CAV3: variants seen among roughly 807,000 people sequenced by gnomAD.
CAV3 encodes the protein caveolin-3.
CAV3 carries 10 observed loss-of-function variants against 13.4 expected under a neutral mutation model. That is an observed-to-expected ratio of 0.75 (90% CI 0.46 to 1.27). The LOEUF is 1.27. Ranked by LOEUF, CAV3 falls within the 50% of genes most tolerant of loss-of-function variation. The pLI, the probability that CAV3 is intolerant of heterozygous loss-of-function variation, is 0.00. For missense variants in CAV3, 162 were observed against 194.0 expected, an observed-to-expected ratio of 0.83 and a Z score of 0.98; for synonymous variants, 90 against 79.0, an observed-to-expected ratio of 1.14 and a Z score of -0.74.
chr3:8,739,341 G>A (rs577615248), intron 1 of CAV3, among the ~76,000 whole-genome samples: 14 of 152,134 alleles, frequency 9.2e-5, no homozygotes, highest in Non-Finnish European at 1.3e-4. Context: ...GGCCAGGCAC[G>A]GTGGCTCACA....
chr3:8,734,428 C>T (rs973255352), intron 1 of CAV3, among the ~76,000 whole-genome samples: 2 of 152,160 alleles, frequency 1.3e-5, no homozygotes, highest in South Asian at 4.1e-4. Context: ...CCAGCAGGGC[C>T]GGCAGCCCCT....
In CAV3 at chr3:8,745,228, C is replaced by G. The variant is rs1444704418; in HGVS notation, c.115-298C>G. 6.6e-6 allele frequency among the ~76,000 whole-genome samples: 1 copy of G among 152,122 alleles called. No individual in the cohort carries two copies. Among genetic ancestry groups the G allele is most frequent in the Admixed American group, 6.5e-5 (1 of 15,288 alleles). The stretch of plus-strand genomic sequence containing the variant: ...TCTCACCAGGGGAGACGCCTGCTCT[C>G]CCTTCTCTAGCCATGGTTGAAAGCT... On this transcript the variant is annotated intron_variant, in intron 1 of 1. Coordinates refer to ENST00000343849, the MANE Select transcript of CAV3 (RefSeq NM_033337.3). The surrounding 1 kb of genome is among the most constrained non-coding windows in gnomAD (Gnocchi z 4.8).
chr3:8,738,938 C>T (rs1004846905), intron 1 of CAV3, among the ~76,000 whole-genome samples: 15 of 152,220 alleles, frequency 9.9e-5, no homozygotes, highest in South Asian at 8.3e-4. Flanking sequence ...AATGAACTAT[C>T]GAAGAGGATT....
intron 1 of CAV3, among the ~76,000 whole-genome samples, chr3:8,744,620 A>G (rs1708089387): frequency 6.6e-6 from 1 of 152,062 alleles, no homozygotes; most frequent in Admixed American, 6.5e-5. Context: ...GACATCACCC[A>G]TGTGTAGGCA....
At chr3:8,744,157 C>T (rs540701709) in intron 1 of CAV3, among the ~76,000 whole-genome samples, 7 of 152,270 alleles carry the variant, frequency 4.6e-5, no homozygotes, top group African/African-American at 1.4e-4. Context: ...AGAACAGTTT[C>T]AGGCATTAGC....
chr3:8,734,070 G>T, intron 1 of CAV3, 80 bp downstream of exon 1: 1 of 781,432 alleles, frequency 1.3e-6, no homozygotes, highest in Non-Finnish European at 2.3e-6. Context: ...GAGGGTATCT[G>T]CTGCAGACAC....
intron 1 of CAV3, among the ~76,000 whole-genome samples, chr3:8,739,783 T>C (rs755441832): frequency 6.6e-6 from 1 of 152,198 alleles, no homozygotes; most frequent in Non-Finnish European, 1.5e-5. Context: ...ATTCCAAAAC[T>C]TAATGGCTTA....
chr3:8,737,489 C>T (rs1350349989), intron 1 of CAV3, among the ~76,000 whole-genome samples: 1 of 152,088 alleles, frequency 6.6e-6, no homozygotes, highest in Non-Finnish European at 1.5e-5. Context: ...TTTGGCCCTG[C>T]CTTTAAACCC....
chr3:8,735,960 T>C (rs1707737511), intron 1 of CAV3, among the ~76,000 whole-genome samples: 1 of 152,248 alleles, frequency 6.6e-6, no homozygotes, highest in African/African-American at 2.4e-5. Flanking sequence ...TACTGGATAT[T>C]ATATTTCTAT....
intron 1 of CAV3, chr3:8,742,740 A>G (rs1361961497): frequency 1.8e-5 from 5 of 280,016 alleles, no homozygotes; most frequent in South Asian, 3.1e-5. Flanking sequence ...GGGTGGGTGG[A>G]TGGATGGATG....
chr3:8,745,777 ACT>A lies in CAV3; in HGVS notation c.369_370del (p.Cys124HisfsTer75). On this transcript the variant is annotated frameshift_variant, in exon 2 of 2. Transcript: ENST00000343849. LOFTEE classifies it high-confidence loss of function. The surrounding 1 kb of genome is among the most constrained non-coding windows in gnomAD (Gnocchi z 4.8). ...EIQCISHIYS[L>X]CIRTFCNPLF... ...TCCAGTGCATCAGCCACATCTACTCACTCTGCATCCGCACCTTCTGCAACCCA... is the reference window on the plus strand; with the variant it reads ...TCCAGTGCATCAGCCACATCTACTCACTGCATCCGCACCTTCTGCAACCCA... 1 of 1,613,608 alleles carries A rather than the reference ACT, an allele frequency of 6.2e-7. No individual in the cohort carries two copies. The highest frequency in any genetic ancestry group is 8.5e-7 in the Non-Finnish European group (1 of 1,179,922).
chr3:8,745,842 A>G lies in CAV3; in HGVS notation c.431A>G (p.Lys144Arg), dbSNP rs1060502316. Residue 144 changes from lysine (K) to arginine (R), a missense_variant, in exon 2 of 2, where the codon AAG becomes AGG. Lys to Arg is a conservative substitution (Grantham distance 26). Transcript: ENST00000343849. This position sits in a 1 kb window ranked among gnomAD's most constrained non-coding sequence, Gnocchi z 4.8. ...AALGQVCSSI[K>R]VVLRKEV ...CTGGGCCAGGTCTGCAGCAGCATCA[A>G]GGTGGTGCTGCGGAAGGAGGTCTAA... The G allele has an allele frequency of 1.2e-6, 2 of 1,612,920 alleles. No individual in the cohort carries two copies. The highest frequency in any genetic ancestry group is 1.7e-5 in the Admixed American group (1 of 60,004).
chr3:8,741,071 T>A (rs1707941853), intron 1 of CAV3, among the ~76,000 whole-genome samples: 1 of 152,262 alleles, frequency 6.6e-6, no homozygotes, highest in Non-Finnish European at 1.5e-5. Flanking sequence ...CTACCTTTTA[T>A]AACAAAAGAT....
At position 8,733,848 on chromosome 3, in the gene CAV3, C is replaced by T. The variant is rs1203043550; in HGVS notation, c.-29C>T. 1 of 1,405,148 alleles carries T rather than the reference C, an allele frequency of 7.1e-7. No individual in the cohort carries two copies. The allele number at this position is 1,405,148 out of a possible 1,614,324, so 87.0% of individuals were successfully genotyped here. Reference sequence around the variant, plus strand: ...CCCCAGCCGGCCACACAGCTCGGATCTCCTCCTGTGGATCCCCCCAGCTCT... The same window carrying T: ...CCCCAGCCGGCCACACAGCTCGGATTTCCTCCTGTGGATCCCCCCAGCTCT... On this transcript the variant is annotated 5_prime_UTR_variant, in exon 1 of 2. Transcript: ENST00000343849.
At chr3:8,742,463 G>A (rs1032633310) in intron 1 of CAV3, 23 of 456,342 alleles carry the variant, frequency 5.0e-5, no homozygotes, top group African/African-American at 4.6e-4. Context: ...ACTTACTACT[G>A]TAAGGAAAGG....
At chr3:8,737,179 A>C (rs1195248812) in intron 1 of CAV3, among the ~76,000 whole-genome samples, 2 of 152,172 alleles carry the variant, frequency 1.3e-5, no homozygotes, top group African/African-American at 4.8e-5. Flanking sequence ...AGGCCCTGGC[A>C]GTGCCCCAGG....
chr3:8,744,455 T>C (rs1708081752), intron 1 of CAV3, among the ~76,000 whole-genome samples: 1 of 147,054 alleles, frequency 6.8e-6, no homozygotes, highest in East Asian at 2.0e-4. Flanking sequence ...ATTTTTTTTT[T>C]TTTTTTTTTT....
chr3:8,736,942 A>T (rs13061909), intron 1 of CAV3, among the ~76,000 whole-genome samples: 16,660 of 152,254 alleles, frequency 0.11, 1,031 homozygotes, highest in Non-Finnish European at 0.14. Context: ...ATAGATCACA[A>T]ACAGGTTTAG....
intron 1 of CAV3, among the ~76,000 whole-genome samples, chr3:8,741,788 A>C (rs775772007): frequency 6.6e-6 from 1 of 151,934 alleles, no homozygotes; most frequent in Non-Finnish European, 1.5e-5. Context: ...CCTCCCCCGC[A>C]TCCTCAAGCA....
Sources: gnomAD v4.1 joint callset for allele counts (sites outside exome capture counted in the v4.1 genomes callset) on GRCh38, gnomAD v4.1.1 for gene constraint, Gnocchi (gnomAD v3.1) non-coding constraint, MANE v1.5 for transcripts, NCBI Gene and HGNC (gene_info 2026-07-23, HGNC 2026-07-21) for gene names.